ANTXRL: variants seen among roughly 807,000 people sequenced by gnomAD.
ANTXRL encodes the protein ANTXR like, also known as anthrax toxin receptor-like.
A neutral mutation model predicts 75.4 loss-of-function variants in ANTXRL; 63 were observed. That is an observed-to-expected ratio of 0.84 (90% CI 0.68 to 1.03). ANTXRL has a LOEUF of 1.03. Ranked by LOEUF, ANTXRL falls within the 50% of genes least tolerant of loss-of-function variation. The pLI, the probability that ANTXRL is intolerant of heterozygous loss-of-function variation, is 0.00. For missense variants in ANTXRL, 797 were observed against 789.4 expected, an observed-to-expected ratio of 1.01 and a Z score of -0.12; for synonymous variants, 335 against 291.3, an observed-to-expected ratio of 1.15 and a Z score of -1.53.
In ANTXRL at chr10:46,309,283, C is replaced by CG; in HGVS notation, c.1134+82dup. Reference sequence around the variant, plus strand: ...GGGACTCTAACATGTGACTGCCCCCCGTGATCCCGCCTGTGGGAAGTTTCC... The same window carrying CG: ...GGGACTCTAACATGTGACTGCCCCCCGGTGATCCCGCCTGTGGGAAGTTTCC... On this transcript the variant is annotated intron_variant, in intron 13 of 16. Coordinates refer to ENST00000620264, the MANE Select transcript of ANTXRL (RefSeq NM_001278688.3). The CG allele has an allele frequency of 6.0e-6, 9 of 1,500,806 alleles. No homozygotes were observed. In the South Asian group the frequency reaches 1.1e-4, roughly 18 times the overall value. The allele number at this position is 1,500,806 out of a possible 1,614,324, so 93.0% of individuals were successfully genotyped here.
chr10:46,314,761 C>T (rs1588854405), intron 16 of ANTXRL, among the ~76,000 whole-genome samples: 3 of 152,142 alleles, frequency 2.0e-5, no homozygotes, highest in African/African-American at 7.2e-5. Flanking sequence ...AAAGGAGAGA[C>T]AATCCCTGTT....
intron 12 of ANTXRL, among the ~76,000 whole-genome samples, chr10:46,308,123 C>G (rs1257307600): frequency 5.9e-5 from 9 of 152,138 alleles, no homozygotes; most frequent in African/African-American, 2.2e-4. Flanking sequence ...GAGGCCTGAG[C>G]CCACTCCACT....
At chr10:46,316,079 A>G (rs2999407) in intron 16 of ANTXRL, among the ~76,000 whole-genome samples, 30 of 152,184 alleles carry the variant, frequency 2.0e-4, no homozygotes, top group Admixed American at 4.6e-4. Flanking sequence ...TCCTGTGGAT[A>G]CTCATTATGT....
chr10:46,306,086 A>G (rs1554961813), intron 10 of ANTXRL, among the ~76,000 whole-genome samples: 1 of 152,150 alleles, frequency 6.6e-6, no homozygotes, highest in Non-Finnish European at 1.5e-5. Context: ...CCTCCTTGAC[A>G]AGGTCAGCGA....
At chr10:46,322,848 A>G (rs953446528) in intron 16 of ANTXRL, among the ~76,000 whole-genome samples, 3 of 152,206 alleles carry the variant, frequency 2.0e-5, no homozygotes, top group South Asian at 2.1e-4. Flanking sequence ...GTTAATTTAA[A>G]TCGTATATCC....
chr10:46,311,261 C>T (rs1397184269), intron 14 of ANTXRL, among the ~76,000 whole-genome samples: 1 of 152,080 alleles, frequency 6.6e-6, no homozygotes, highest in Non-Finnish European at 1.5e-5. Flanking sequence ...ATTGCATAAC[C>T]CCCAGGGCAG....
At chr10:46,304,902 T>C (rs1478016191) in intron 10 of ANTXRL, among the ~76,000 whole-genome samples, 2 of 152,086 alleles carry the variant, frequency 1.3e-5, no homozygotes, top group African/African-American at 4.8e-5. Flanking sequence ...TGTACTGGCT[T>C]CCCACCCTGG....
intron 11 of ANTXRL, 108 bp downstream of exon 11, chr10:46,306,980 CAT>C: frequency 1.0e-6 from 1 of 962,194 alleles, no homozygotes. Flanking sequence ...TGGGACAGCA[CAT>C]ATCTGTGGCT....
intron 2 of ANTXRL, among the ~76,000 whole-genome samples, chr10:46,292,522 G>A (rs1237848953): frequency 1.3e-5 from 2 of 152,182 alleles, no homozygotes; most frequent in Admixed American, 6.5e-5. Flanking sequence ...CAAAGTCAAG[G>A]ATGGCTTCCA....
upstream of ANTXRL, chr10:46,286,539 G>C (rs1198470039): frequency 2.0e-5 from 3 of 152,266 alleles, no homozygotes; most frequent in Non-Finnish European, 4.4e-5. Flanking sequence ...TCCGCCCTGA[G>C]TGCCTGATCC....
chr10:46,290,045 C>CTTTTTTTTTT (rs34276033), intron 1 of ANTXRL, among the ~76,000 whole-genome samples: 7 of 119,650 alleles, frequency 5.9e-5, no homozygotes, highest in African/African-American at 1.3e-4. Context: ...TTTTCTTTAT[C>CTTTTTTTTTT]TTTTTTTTTT....
At chr10:46,310,412 G>A in intron 13 of ANTXRL, 49 bp from the exon 14 acceptor site, 1 of 1,526,168 alleles carries the variant, frequency 6.6e-7, no homozygotes, top group Non-Finnish European at 8.8e-7. Context: ...CCAAGGCAGA[G>A]CCCGCCCACC....
intron 16 of ANTXRL, among the ~76,000 whole-genome samples, chr10:46,319,482 G>T (rs782567422): frequency 3.9e-5 from 6 of 152,164 alleles, no homozygotes; most frequent in Non-Finnish European, 7.3e-5. Flanking sequence ...AAAGACCAAA[G>T]TGAACTCCTT....
At chr10:46,306,955 C>T in intron 11 of ANTXRL, 83 bp downstream of exon 11, 4 of 1,129,866 alleles carry the variant, frequency 3.5e-6, no homozygotes, top group Non-Finnish European at 4.9e-6. Flanking sequence ...AATGTGGATG[C>T]CCCCCACCCC....
chr10:46,298,844 G>T (rs1837545612), intron 9 of ANTXRL, among the ~76,000 whole-genome samples: 1 of 151,868 alleles, frequency 6.6e-6, no homozygotes, highest in East Asian at 1.9e-4. Context: ...GGTATGGGGT[G>T]GGTTGAGTGT....
chr10:46,308,647 G>T (rs1469152441), intron 12 of ANTXRL: 1 of 348,064 alleles, frequency 2.9e-6, no homozygotes, highest in Non-Finnish European at 5.7e-6. Flanking sequence ...CAGGGAGGGC[G>T]GCTCATTCCC....
chr10:46,304,786 C>T (rs1837971740), intron 10 of ANTXRL, among the ~76,000 whole-genome samples: 1 of 152,158 alleles, frequency 6.6e-6, no homozygotes, highest in South Asian at 2.1e-4. Context: ...AAAGCAGACC[C>T]AGGCGATCTG....
chr10:46,313,441 C>T, intron 16 of ANTXRL, 125 bp downstream of exon 16: 1 of 1,005,104 alleles, frequency 9.9e-7, no homozygotes, highest in Non-Finnish European at 1.5e-6. Flanking sequence ...CGGCACAAGA[C>T]ACACAGAAAC....
chr10:46,290,735 A>C (rs1836949520), intron 1 of ANTXRL, among the ~76,000 whole-genome samples: 1 of 152,108 alleles, frequency 6.6e-6, no homozygotes, highest in African/African-American at 2.4e-5. Context: ...ATCTTCTTTG[A>C]GGAAATGTCT....
Sources: gnomAD v4.1 joint callset for allele counts (sites outside exome capture counted in the v4.1 genomes callset) on GRCh38, gnomAD v4.1.1 for gene constraint, MANE v1.5 for transcripts, NCBI Gene and HGNC (gene_info 2026-07-23, HGNC 2026-07-21) for gene names.